SEMA4C: variants seen among roughly 807,000 people sequenced by gnomAD.
The protein encoded by SEMA4C is semaphorin 4C, also known as semaphorin-4C.
A neutral mutation model predicts 89.0 loss-of-function variants in SEMA4C; 19 were observed. The observed-to-expected ratio is 0.21, with a 90% CI of 0.15 to 0.31. SEMA4C has a LOEUF of 0.31. Among genes scored for constraint, SEMA4C ranks in the 10% least tolerant of loss-of-function variants. The pLI is 1.00. For missense variants in SEMA4C, 811 were observed against 1,107.0 expected, an observed-to-expected ratio of 0.73 and a Z score of 3.79; for synonymous variants, 428 against 472.7, an observed-to-expected ratio of 0.91 and a Z score of 1.23.
Position 96,865,651 on chromosome 2 carries a change from G to A in SEMA4C, c.420+15C>T. The A allele has an allele frequency of 6.2e-7, 1 of 1,612,218 alleles. No homozygotes were observed. The highest frequency in any genetic ancestry group is 8.5e-7 in the Non-Finnish European group (1 of 1,178,326). On this transcript the variant is annotated intron_variant, in intron 5 of 14. Coordinates refer to ENST00000305476, the MANE Select transcript of SEMA4C (RefSeq NM_017789.5). ...CGGGGGGCTGGGGACACCGAGGTAG[G>A]AGGGCAGCACTCACGACGTAGGTGC...
In SEMA4C at chr2:96,863,799, G is replaced by A. The variant is rs199674041; in HGVS notation, c.1331-5C>T. On this transcript the variant is annotated splice_region_variant and splice_polypyrimidine_tract_variant and intron_variant, in intron 11 of 14. Transcript: ENST00000305476. ...CCTTGAGCAGCCAGCCGTCTCCTGG[G>A]GGGTGCAGAGGAGAAGGTGTAAATG... The A allele has an allele frequency of 3.1e-6, 5 of 1,613,428 alleles. No homozygotes were observed. In the East Asian group the frequency reaches 8.9e-5, roughly 29 times the overall value.
In SEMA4C at chr2:96,865,210, G is replaced by C; in HGVS notation, c.628C>G (p.Leu210Val). The C allele has an allele frequency of 6.2e-7, 1 of 1,613,944 alleles. No homozygotes were observed. The highest frequency in any genetic ancestry group is 8.5e-7 in the Non-Finnish European group (1 of 1,179,874). ...AGGCCCCCCGGTGGCTCACCGTTGA[G>C]CCAAAAGGCCAGGTACTCTGTCTTC... is the stretch of plus-strand genomic sequence containing the variant. ...SMKTEYLAFWLNEPHFVGSAY... is the reference protein window; with the variant it reads ...SMKTEYLAFWVNEPHFVGSAY... Residue 210 changes from leucine (L) to valine (V), a missense_variant, in exon 7 of 15, where the codon CTC (leucine) becomes GTC (valine). Leu to Val is a conservative substitution (Grantham distance 32). This residue lies in a region of SEMA4C where 441 missense variants were observed against 664.9 expected (regional missense o/e 0.66). Transcript: ENST00000305476.
rs763337816 is a variant in SEMA4C at position 96,860,594 on chromosome 2, C to T, written c.*32G>A. The T allele has an allele frequency of 6.4e-6, 10 of 1,555,342 alleles. No individual in the cohort carries two copies. In the Admixed American group the frequency reaches 1.8e-4, roughly 29 times the overall value. On this transcript the variant is annotated 3_prime_UTR_variant, in exon 15 of 15. Transcript: ENST00000305476. ...GTGCAAAAGTAGGAGCTACACCTCCCACGCTTCCCGCCGACGCGGTGGGGG... is the reference window on the plus strand; with the variant it reads ...GTGCAAAAGTAGGAGCTACACCTCCTACGCTTCCCGCCGACGCGGTGGGGG...
rs527606549 is a variant in SEMA4C, at chr2:96,867,251, C to T, written c.109+527G>A. Among the ~76,000 whole-genome samples the T allele has an allele frequency of 1.4e-4, 22 of 152,306 alleles. No homozygotes were observed. The East Asian group carries it at 4.2e-3, about 29-fold the overall frequency. ...TGGAGCCTGTGGGAGGTGAGCTCAT[C>T]CCAGGTCCCCAGAGCGCACGGCTGA... On this transcript the variant is annotated intron_variant, in intron 2 of 14. Coordinates refer to ENST00000305476, the MANE Select transcript of SEMA4C (RefSeq NM_017789.5).
intron 6 of SEMA4C, 58 bp downstream of exon 6, chr2:96,865,383 C>G (rs2080045717): frequency 6.2e-7 from 1 of 1,611,342 alleles, no homozygotes. Flanking sequence ...CCAACACAGA[C>G]CCAAGTGGAA....
chr2:96,867,713 A>C, intron 2 of SEMA4C, 65 bp downstream of exon 2: 1 of 1,476,050 alleles, frequency 6.8e-7, no homozygotes, highest in African/African-American at 1.4e-5. Flanking sequence ...TAAAGCCAGC[A>C]CACTATGGGG....
chr2:96,863,641 A>T (rs1232498399), intron 12 of SEMA4C, 41 bp downstream of exon 12: 1 of 1,555,414 alleles, frequency 6.4e-7, no homozygotes, highest in South Asian at 1.1e-5. Context: ...GTGAGATGGG[A>T]TAGTGCTGGG....
upstream of SEMA4C, chr2:96,870,631 C>T (rs2080179666): frequency 2.0e-6 from 2 of 985,358 alleles, no homozygotes; most frequent in Middle Eastern, 5.2e-4. Context: ...GCTTCACCAG[C>T]CAGGAAGACC....
At chr2:96,862,803 A>C (rs2079977868) in intron 12 of SEMA4C, 1 of 149,346 alleles carries the variant, frequency 6.7e-6, no homozygotes, top group Non-Finnish European at 1.5e-5. Context: ...CAGAGCTTGC[A>C]GTGAGCCGAG....
rs368788525 is a variant in SEMA4C at position 96,865,800 on chromosome 2, G to A, written c.322-36C>T. 1.2e-5 allele frequency: 19 copies of A among 1,613,276 alleles called. No homozygotes were observed. In the African/African-American group the frequency reaches 1.9e-4, roughly 16 times the overall value. Reference sequence around the variant, plus strand: ...AAAGGTGTCCGGTTAGTGAGAGCGCGAGGGCCAGAATGGGAGGAGACGTCC... The same window carrying A: ...AAAGGTGTCCGGTTAGTGAGAGCGCAAGGGCCAGAATGGGAGGAGACGTCC... On this transcript the variant is annotated intron_variant, in intron 4 of 14. Transcript: ENST00000305476.
rs1325085762 is a variant in SEMA4C, at chr2:96,865,193, C to A, written c.634+11G>T. Reference sequence around the variant, plus strand: ...CCACCCATGGCTCCCACAGGCCCCCCGGTGGCTCACCGTTGAGCCAAAAGG... The same window carrying A: ...CCACCCATGGCTCCCACAGGCCCCCAGGTGGCTCACCGTTGAGCCAAAAGG... On this transcript the variant is annotated intron_variant, in intron 7 of 14. Transcript: ENST00000305476. 1.9e-6 allele frequency: 3 copies of A among 1,612,834 alleles called. No homozygotes were observed. Among genetic ancestry groups the A allele is most frequent in the South Asian group, 2.2e-5 (2 of 90,884 alleles).
At chr2:96,869,444 G>A in intron 1 of SEMA4C, 1 of 894,222 alleles carries the variant, frequency 1.1e-6, no homozygotes, top group Non-Finnish European at 1.3e-6. Flanking sequence ...GGCTTTCCGG[G>A]ACAACCCGCC....
Position 96,860,275 on chromosome 2 carries a change from C to T in SEMA4C, c.*351G>A, listed in dbSNP as rs1050919985. On this transcript the variant is annotated 3_prime_UTR_variant, in exon 15 of 15. Transcript: ENST00000305476. ...AGAAACAGGAAGGCTATGCCACAAGCGCGCACGCGCGTGCACACACACATA... is the reference window on the plus strand; with the variant it reads ...AGAAACAGGAAGGCTATGCCACAAGTGCGCACGCGCGTGCACACACACATA... The T allele has an allele frequency of 2.4e-5, 6 of 248,164 alleles. No individual in the cohort carries two copies. The highest frequency in any genetic ancestry group is 4.6e-5 in the Non-Finnish European group (6 of 130,390). The allele number at this position is 248,164 out of a possible 1,614,324, so 15.4% of individuals were successfully genotyped here. A position where few individuals can be genotyped will look rare whatever the true frequency, so the allele number is the denominator to read the frequency against.
In SEMA4C at chr2:96,864,254, C is replaced by T. The variant is rs764585610; in HGVS notation, c.1091G>A (p.Ser364Asn). 16 of 1,614,014 alleles carry T rather than the reference C, an allele frequency of 9.9e-6. No individual in the cohort carries two copies. Among genetic ancestry groups the T allele is most frequent in the Middle Eastern group, 1.6e-4 (1 of 6,062 alleles). Residue 364 changes from serine (S) to asparagine (N), a missense_variant, in exon 10 of 15, where the codon AGC becomes AAC. This residue lies in a region of SEMA4C where 441 missense variants were observed against 664.9 expected (regional missense o/e 0.66). Transcript: ENST00000305476. The surrounding 1 kb of genome is among the most constrained non-coding windows in gnomAD (Gnocchi z 6.3). Reference protein sequence around the residue: ...KWDRYTDPVPSPRPGSCINNW... With the variant: ...KWDRYTDPVPNPRPGSCINNW... Reference sequence around the variant, plus strand: ...AGCACTCACCGAGCCAGGCCGAGGGCTGGGTACAGGGTCAGTGTAGCGGTC... The same window carrying T: ...AGCACTCACCGAGCCAGGCCGAGGGTTGGGTACAGGGTCAGTGTAGCGGTC...
At chr2:96,868,546 G>C in intron 1 of SEMA4C, 1 of 985,972 alleles carries the variant, frequency 1.0e-6, no homozygotes, top group South Asian at 4.7e-5. Context: ...GGCCGGGAGC[G>C]AAGGGGCCCA....
chr2:96,867,179 T>C (rs2153365191), intron 2 of SEMA4C, among the ~76,000 whole-genome samples: 1 of 152,260 alleles, frequency 6.6e-6, no homozygotes, highest in Admixed American at 6.5e-5. Context: ...CAGGCAACAA[T>C]GGATCCAGAC....
intron 1 of SEMA4C, 110 bp from the exon 2 acceptor site, chr2:96,868,033 G>A: frequency 7.1e-7 from 1 of 1,411,382 alleles, no homozygotes; most frequent in Non-Finnish European, 9.5e-7. Context: ...AGGAGCCCCG[G>A]TGCCCTCCTT....
Position 96,864,707 on chromosome 2 carries a change from C to G in SEMA4C, c.960G>C (p.Gln320His). ...TGTGGGAGCCCTGGCCAACTCACCACTGTGCTTGAAAAACCCCAAAGAAGG... is the reference window on the plus strand; with the variant it reads ...TGTGGGAGCCCTGGCCAACTCACCAGTGTGCTTGAAAAACCCCAAAGAAGG... ...NTTFFGVFQA[Q>H]WGDMYLSAIC... is the part of the protein sequence containing the mutation. The change falls in exon 9 of 15, where the codon CAG becomes CAC. Residue 320 changes from glutamine (Q) to histidine (H), a missense_variant and splice_region_variant. Gln to His is a conservative substitution (Grantham distance 24). Transcript: ENST00000305476. The surrounding 1 kb of genome is among the most constrained non-coding windows in gnomAD (Gnocchi z 6.3). 1 of 1,605,776 alleles carries G rather than the reference C, an allele frequency of 6.2e-7. No homozygotes were observed. The highest frequency in any genetic ancestry group is 8.5e-7 in the Non-Finnish European group (1 of 1,174,424).
At chr2:96,869,228 G>A in intron 1 of SEMA4C, 4 of 985,390 alleles carry the variant, frequency 4.1e-6, no homozygotes, top group Non-Finnish European at 4.8e-6. Context: ...CCGAGGATCC[G>A]CCCGGCAGCG....
Sources: gnomAD v4.1 joint callset for allele counts (sites outside exome capture counted in the v4.1 genomes callset) on GRCh38, gnomAD v4.1.1 for gene constraint, gnomAD v4.1.1 regional missense constraint, Gnocchi (gnomAD v3.1) non-coding constraint, MANE v1.5 for transcripts, NCBI Gene and HGNC (gene_info 2026-07-23, HGNC 2026-07-21) for gene names.